PRKCB: variants seen among roughly 807,000 people sequenced by gnomAD.
PRKCB encodes the protein protein kinase C beta.
In PRKCB, 13 loss-of-function variants were observed where a neutral mutation model predicts 81.5. The observed-to-expected ratio is 0.16, with a 90% CI of 0.10 to 0.25. The LOEUF (loss-of-function observed/expected upper bound fraction) is 0.25, where lower values mean the gene tolerates loss of function less well. Among genes scored for constraint, PRKCB ranks in the 10% least tolerant of loss-of-function variants. The pLI is 1.00. For missense variants in PRKCB, 509 were observed against 875.7 expected (o/e 0.58, Z 5.29); for synonymous variants, 335 against 321.4 (o/e 1.04, Z -0.45).
At chr16:23,904,591 A>T (rs1156538829) in intron 2 of PRKCB, among the ~76,000 whole-genome samples, 2 of 152,048 alleles carry the variant, frequency 1.3e-5, no homozygotes, top group East Asian at 3.9e-4. Context: ...TGAACCCGGG[A>T]AGTGAAGGTT....
intron 15 of PRKCB, among the ~76,000 whole-genome samples, chr16:24,185,886 G>A (rs1967697169): frequency 1.3e-5 from 2 of 152,242 alleles, no homozygotes; most frequent in Admixed American, 6.5e-5. Flanking sequence ...CAAAGAGCTG[G>A]AAGTCATGGG....
At chr16:24,002,964 G>A (rs1379687952) in intron 3 of PRKCB, among the ~76,000 whole-genome samples, 3 of 152,170 alleles carry the variant, frequency 2.0e-5, no homozygotes, top group African/African-American at 7.2e-5. Context: ...TAGGAGACTT[G>A]GGGAGGGGAG....
At chr16:24,194,217 C>T (rs1245719309) in intron 16 of PRKCB, among the ~76,000 whole-genome samples, 1 of 152,044 alleles carries the variant, frequency 6.6e-6, no homozygotes, top group Non-Finnish European at 1.5e-5. Flanking sequence ...GTCCCAACTA[C>T]TTGGGAGGCT....
rs149569491 is a variant in PRKCB, at chr16:23,930,057, C to T, written c.206-58451C>T. Among the ~76,000 whole-genome samples the T allele has an allele frequency of 1.4e-3, 220 of 152,206 alleles. 3 individuals are homozygous for T. Among genetic ancestry groups the T allele is most frequent in the African/African-American group, 5.0e-3 (207 of 41,554 alleles). ...GAGAGCTCATGTGATTCTCAAACCTCCTAGTAACTCTGCTTACATGGAGAG... is the reference window on the plus strand; with the variant it reads ...GAGAGCTCATGTGATTCTCAAACCTTCTAGTAACTCTGCTTACATGGAGAG... On this transcript the variant is annotated intron_variant, in intron 2 of 16. Coordinates refer to ENST00000643927, the MANE Select transcript of PRKCB (RefSeq NM_002738.7).
Position 24,092,959 on chromosome 16 carries a change from T to A in PRKCB, c.686+12T>A. The A allele has an allele frequency of 1.2e-6, 2 of 1,612,336 alleles. No homozygotes were observed. Among genetic ancestry groups the A allele is most frequent in the Non-Finnish European group, 1.7e-6 (2 of 1,179,604 alleles). On this transcript the variant is annotated intron_variant, in intron 6 of 16. Transcript: ENST00000643927. ...GAGACATTTAGATTGTAAGTGGAAA[T>A]GACTGCAGTGAGCATGGGTGGTGGA... is the stretch of plus-strand genomic sequence containing the variant.
intron 2 of PRKCB, among the ~76,000 whole-genome samples, chr16:23,851,525 C>G (rs946792057): frequency 6.6e-6 from 1 of 152,100 alleles, no homozygotes; most frequent in Non-Finnish European, 1.5e-5. Flanking sequence ...GTGATTCCTC[C>G]AGCTTTGTTC....
intron 3 of PRKCB, among the ~76,000 whole-genome samples, chr16:24,006,932 T>A (rs541754588): frequency 1.1e-4 from 17 of 152,280 alleles, no homozygotes; most frequent in African/African-American, 4.1e-4. Flanking sequence ...TGCAGAGAGA[T>A]TGGATGACAG....
intron 16 of PRKCB, among the ~76,000 whole-genome samples, chr16:24,206,163 A>T (rs1252465203): frequency 6.6e-6 from 1 of 152,176 alleles, no homozygotes; most frequent in Non-Finnish European, 1.5e-5. Flanking sequence ...GAAAAAGGAG[A>T]CTTAAATCTC....
chr16:24,091,651 C>T (rs530591550), intron 5 of PRKCB, among the ~76,000 whole-genome samples: 1 of 151,934 alleles, frequency 6.6e-6, no homozygotes, highest in South Asian at 2.1e-4. Flanking sequence ...CACTCTGTCG[C>T]CCAGGCTGGA....
At chr16:24,097,769 G>A (rs977187024) in intron 7 of PRKCB, among the ~76,000 whole-genome samples, 1 of 152,128 alleles carries the variant, frequency 6.6e-6, no homozygotes, top group Non-Finnish European at 1.5e-5. Flanking sequence ...ACTAAAAGTG[G>A]GACGGGGAGG....
At chr16:24,049,047 G>GTT (rs1160842975) in intron 5 of PRKCB, among the ~76,000 whole-genome samples, 2,886 of 49,744 alleles carry the variant, frequency 0.058, 763 homozygotes, top group African/African-American at 0.1. Flanking sequence ...AAATTGGCCT[G>GTT]TTTTTTTTTT....
At chr16:24,013,548 G>C (rs1364121901) in intron 3 of PRKCB, among the ~76,000 whole-genome samples, 1 of 152,236 alleles carries the variant, frequency 6.6e-6, no homozygotes, top group East Asian at 1.9e-4. Context: ...AAGGCGCTTG[G>C]AACAGTGCCT....
At position 23,936,939 on chromosome 16, in the gene PRKCB, C is replaced by T. The variant is rs111619486; in HGVS notation, c.206-51569C>T. ...AGGGGCATGTGTAGAGTATCTTTAGCGACGGGAAATTTCACGAAGGCATCA... is the reference window on the plus strand; with the variant it reads ...AGGGGCATGTGTAGAGTATCTTTAGTGACGGGAAATTTCACGAAGGCATCA... On this transcript the variant is annotated intron_variant, in intron 2 of 16. Coordinates refer to ENST00000643927, the MANE Select transcript of PRKCB (RefSeq NM_002738.7). Among the ~76,000 whole-genome samples the T allele has an allele frequency of 7.6e-3, 1,161 of 152,184 alleles. 9 individuals carry two copies. Among genetic ancestry groups the T allele is most frequent in the Middle Eastern group, 0.058 (17 of 294 alleles).
chr16:23,846,606 C>T (rs1024486904), intron 2 of PRKCB, among the ~76,000 whole-genome samples: 12 of 21,514 alleles, frequency 5.6e-4, no homozygotes, highest in Non-Finnish European at 1.2e-3. Flanking sequence ...GAGACTCCGT[C>T]TCAAAAAAAA....
intron 2 of PRKCB, among the ~76,000 whole-genome samples, chr16:23,918,965 C>T (rs2141742963): frequency 6.6e-6 from 1 of 152,290 alleles, no homozygotes; most frequent in East Asian, 1.9e-4. Context: ...TCTGGCTATT[C>T]ACTTATTCTA....
At chr16:24,112,531 C>T (rs556677617) in intron 7 of PRKCB, among the ~76,000 whole-genome samples, 3 of 151,826 alleles carry the variant, frequency 2.0e-5, no homozygotes, top group East Asian at 3.9e-4. Flanking sequence ...GAGTGAGACC[C>T]TATCTCTAAA....
At chr16:23,963,564 C>T (rs562233628) in intron 2 of PRKCB, among the ~76,000 whole-genome samples, 1 of 152,306 alleles carries the variant, frequency 6.6e-6, no homozygotes, top group Non-Finnish European at 1.5e-5. Flanking sequence ...CATTCTTCCC[C>T]TCCAGGTGGA....
chr16:23,968,176 A>G (rs1245733082), intron 2 of PRKCB, among the ~76,000 whole-genome samples: 1 of 152,144 alleles, frequency 6.6e-6, no homozygotes, highest in Non-Finnish European at 1.5e-5. Flanking sequence ...GTTCAAACCT[A>G]CCTGCCCTAT....
intron 2 of PRKCB, among the ~76,000 whole-genome samples, chr16:23,857,424 C>G (rs1413986318): frequency 6.6e-6 from 1 of 152,170 alleles, no homozygotes; most frequent in African/African-American, 2.4e-5. Flanking sequence ...AACAGTATGC[C>G]AGCACGGAGG....
Sources: allele counts gnomAD v4.1 joint callset (sites outside exome capture counted in the v4.1 genomes callset), GRCh38; gene constraint gnomAD v4.1.1; transcripts MANE v1.5; gene names NCBI Gene and HGNC (gene_info 2026-07-23, HGNC 2026-07-21).